Variants in ALDH18A1 observed in about 807,000 individuals in gnomAD.
The protein encoded by ALDH18A1 is aldehyde dehydrogenase 18 family member A1, also known as delta-1-pyrroline-5-carboxylate synthase.
ALDH18A1 carries 44 observed loss-of-function variants against 88.8 expected under a neutral mutation model. The observed-to-expected ratio is 0.50, with a 90% CI of 0.39 to 0.64. ALDH18A1 has a LOEUF of 0.64. Among genes scored for constraint, ALDH18A1 ranks in the 30% least tolerant of loss-of-function variants. ALDH18A1 has a pLI of 0.00. For missense variants in ALDH18A1, 782 were observed against 1,009.5 expected (o/e 0.77, Z 3.05); for synonymous variants, 331 against 372.1 (o/e 0.89, Z 1.27).
At position 95,616,512 on chromosome 10, in the gene ALDH18A1, G is replaced by T; in HGVS notation, c.1570C>A (p.Leu524Ile). 1 of 1,575,568 alleles carries T rather than the reference G, an allele frequency of 6.3e-7. No homozygotes were observed. Residue 524 changes from leucine to isoleucine, a missense_variant, in exon 13 of 18, where the codon CTC becomes ATC. Physicochemically the swap from Leu to Ile is conservative, Grantham distance 5. Coordinates refer to ENST00000371224, the MANE Select transcript of ALDH18A1 (RefSeq NM_002860.4). ...RILHLLTQEA[L>I]SIHGVKEAVQ... ...GCCTCCTTGACTCCATGGATTGAGA[G>T]AGCCTCCTGGGTCAGGAGGTGGAGA...
chr10:95,611,183 G>A, intron 16 of ALDH18A1, 73 bp downstream of exon 16: 1 of 1,567,860 alleles, frequency 6.4e-7, no homozygotes, highest in African/African-American at 1.3e-5. Context: ...TGCAGCCCAA[G>A]GGGGGCTAAG....
chr10:95,631,742 C>CAA (rs71034341), intron 7 of ALDH18A1, among the ~76,000 whole-genome samples: 1,839 of 76,018 alleles, frequency 0.024, 24 homozygotes, highest in African/African-American at 0.037. Context: ...GGCTCTGCCT[C>CAA]AAAAAAAAAA....
chr10:95,621,750 C>A (rs1009897892), intron 11 of ALDH18A1, among the ~76,000 whole-genome samples: 1 of 151,830 alleles, frequency 6.6e-6, no homozygotes, highest in African/African-American at 2.4e-5. Flanking sequence ...AGCTGTGTAC[C>A]CTGATACCCT....
intron 2 of ALDH18A1, among the ~76,000 whole-genome samples, chr10:95,647,377 G>A (rs534697905): frequency 3.3e-5 from 5 of 152,316 alleles, no homozygotes; most frequent in Non-Finnish European, 7.3e-5. Flanking sequence ...GGTTGGTAGG[G>A]TGGATAAAAC....
chr10:95,620,991 C>T (rs756806946), intron 12 of ALDH18A1, 40 bp downstream of exon 12: 1 of 1,588,834 alleles, frequency 6.3e-7, no homozygotes, highest in Non-Finnish European at 8.6e-7. Context: ...ACACCAGCCC[C>T]CAATGGCAGG....
intron 12 of ALDH18A1, 83 bp downstream of exon 12, chr10:95,620,948 A>C (rs1275897010): frequency 1.5e-6 from 2 of 1,359,544 alleles, no homozygotes; most frequent in Non-Finnish European, 2.0e-6. Context: ...AAAAAAAAAA[A>C]AGAAAAGAAA....
In ALDH18A1 at chr10:95,652,650, G is replaced by A. The variant is rs546684154; in HGVS notation, c.88+640C>T. On this transcript the variant is annotated intron_variant, in intron 2 of 17. Transcript: ENST00000371224. ...ACTGGGAGGCTGAGGCAGGAGAATC[G>A]CTTGAACCTGGGAAGCAGAGGTTGC... Among the ~76,000 whole-genome samples the A allele has an allele frequency of 3.9e-5, 6 of 152,034 alleles. No individual in the cohort carries two copies. In the South Asian group the frequency reaches 6.2e-4, roughly 16 times the overall value.
chr10:95,651,417 A>G (rs1213374071), intron 2 of ALDH18A1, among the ~76,000 whole-genome samples: 1 of 149,892 alleles, frequency 6.7e-6, no homozygotes, highest in Non-Finnish European at 1.5e-5. Context: ...ACAGTTTCTT[A>G]TAAAACTGTG....
intron 2 of ALDH18A1, among the ~76,000 whole-genome samples, chr10:95,650,278 G>T (rs917696201): frequency 6.6e-6 from 1 of 152,172 alleles, no homozygotes; most frequent in Non-Finnish European, 1.5e-5. Context: ...CCTCTTAAGA[G>T]AATAAAATGA....
chr10:95,620,885 C>T lies in ALDH18A1; in HGVS notation c.1467+146G>A, dbSNP rs543914739. The T allele has an allele frequency of 2.5e-5, 19 of 756,844 alleles. No individual in the cohort carries two copies. The South Asian group carries it at 2.8e-4, about 11-fold the overall frequency. 46.9% of individuals were successfully genotyped at this position (756,844 alleles called of 1,614,324 possible). On this transcript the variant is annotated intron_variant, in intron 12 of 17. Coordinates refer to ENST00000371224, the MANE Select transcript of ALDH18A1 (RefSeq NM_002860.4). ...AGCAAACCAATATGGCACATGTATA[C>T]CTATGTAACAAACCTGCACGTTGTG...
chr10:95,613,100 C>T (rs1460518901), intron 15 of ALDH18A1, among the ~76,000 whole-genome samples: 2 of 152,218 alleles, frequency 1.3e-5, no homozygotes, highest in African/African-American at 4.8e-5. Flanking sequence ...GCTTAAAATG[C>T]ATCCATGCAG....
At chr10:95,615,210 T>C (rs958778675) in intron 13 of ALDH18A1, among the ~76,000 whole-genome samples, 1 of 151,844 alleles carries the variant, frequency 6.6e-6, no homozygotes, top group Non-Finnish European at 1.5e-5. Flanking sequence ...CACACACCTG[T>C]AGTCCCAACT....
chr10:95,638,943 G>T (rs961511960), intron 3 of ALDH18A1, among the ~76,000 whole-genome samples: 1 of 151,818 alleles, frequency 6.6e-6, no homozygotes, highest in Non-Finnish European at 1.5e-5. Context: ...CACAATCATG[G>T]CTCACTGTAG....
chr10:95,607,340 A>G (rs1054444005), intron 17 of ALDH18A1, among the ~76,000 whole-genome samples: 2 of 152,228 alleles, frequency 1.3e-5, no homozygotes, highest in South Asian at 4.1e-4. Context: ...TTTAAATCTT[A>G]GAAAGAAAGG....
At chr10:95,641,636 A>G (rs924869916) in intron 3 of ALDH18A1, among the ~76,000 whole-genome samples, 5 of 151,542 alleles carry the variant, frequency 3.3e-5, no homozygotes, top group African/African-American at 1.2e-4. Context: ...GTCTCAGCCT[A>G]CCAAGAAGTT....
intron 10 of ALDH18A1, 132 bp from the exon 11 acceptor site, chr10:95,625,587 C>A: frequency 2.7e-6 from 2 of 731,370 alleles, no homozygotes; most frequent in South Asian, 1.5e-5. Flanking sequence ...CAGTTGAAAT[C>A]TCCTGACTTC....
Position 95,616,579 on chromosome 10 carries a change from C to T in ALDH18A1, c.1503G>A (p.Leu501=), listed in dbSNP as rs77717600. 2 of 1,606,220 alleles carry T rather than the reference C, an allele frequency of 1.2e-6. No individual in the cohort carries two copies. The highest frequency in any genetic ancestry group is 1.7e-6 in the Non-Finnish European group (2 of 1,176,530). The change falls in exon 13 of 18, where the codon TTG becomes TTA. Residue 501 remains leucine (L), a synonymous_variant. Transcript: ENST00000371224. ...CAGCCTCCTTCCCTCCTTTGAGTAA[C>T]AAGCCATTGCCACTTGCGATAGCCA... The part of the protein sequence containing the change: ...AALAIASGNG[L]LLKGGKEAAH...
intron 16 of ALDH18A1, 98 bp downstream of exon 16, chr10:95,611,158 C>T (rs886329874): frequency 8.4e-6 from 12 of 1,427,036 alleles, no homozygotes; most frequent in Non-Finnish European, 1.2e-5. Context: ...TAAGCCTACT[C>T]AAATGATGTT....
At chr10:95,630,643 G>A (rs957190311) in intron 7 of ALDH18A1, among the ~76,000 whole-genome samples, 11 of 152,210 alleles carry the variant, frequency 7.2e-5, no homozygotes, top group East Asian at 1.9e-4. Context: ...CCCAGGAGGC[G>A]GAGGTTGCAG....
Sources: allele counts gnomAD v4.1 joint callset (sites outside exome capture counted in the v4.1 genomes callset), GRCh38; gene constraint gnomAD v4.1.1; transcripts MANE v1.5; gene names NCBI Gene and HGNC (gene_info 2026-07-23, HGNC 2026-07-21).